Variants in TTC3 observed in about 807,000 individuals in gnomAD.
TTC3 encodes the protein tetratricopeptide repeat domain 3.
TTC3 carries 180 observed loss-of-function variants against 249.6 expected under a neutral mutation model. The ratio of observed to expected loss-of-function variants is 0.72; its 90% CI spans 0.64 to 0.82. The LOEUF (loss-of-function observed/expected upper bound fraction) is 0.82. TTC3 is among the 40% of genes least tolerant of loss of function. The pLI, the probability that TTC3 is intolerant of heterozygous loss-of-function variation, is 0.00. For missense variants in TTC3, 2,061 were observed against 2,398.4 expected (o/e 0.86, Z 2.94); for synonymous variants, 717 against 805.0 (o/e 0.89, Z 1.85).
At chr21:37,180,843 T>TAA (rs138425939) in intron 35 of TTC3, among the ~76,000 whole-genome samples, 10 of 143,126 alleles carry the variant, frequency 7.0e-5, no homozygotes, top group African/African-American at 1.0e-4. Context: ...TTAGAAAATG[T>TAA]AAAAAAAAAA....
At chr21:37,139,384 C>CTAAA (rs1427808329) in intron 19 of TTC3, among the ~76,000 whole-genome samples, 3 of 152,060 alleles carry the variant, frequency 2.0e-5, no homozygotes, top group Admixed American at 6.6e-5. Flanking sequence ...GGAATGTTTA[C>CTAAA]CTACCTATAC....
chr21:37,167,755 C>T, intron 34 of TTC3, 135 bp downstream of exon 34: 2 of 493,918 alleles, frequency 4.0e-6, no homozygotes, highest in South Asian at 1.5e-4. Context: ...GAGAACATAA[C>T]AAAAAAATGA....
exon 33 of TTC3, chr21:37,166,098 C>T: frequency 6.2e-7 from 1 of 1,614,162 alleles, no homozygotes; most frequent in Non-Finnish European, 8.5e-7. Flanking sequence ...TCCTGTAATT[C>T]CCCCAAACCG....
At chr21:37,119,385 G>A (rs773850475) in intron 11 of TTC3, among the ~76,000 whole-genome samples, 1 of 152,042 alleles carries the variant, frequency 6.6e-6, no homozygotes, top group Non-Finnish European at 1.5e-5. Context: ...ATTTGTTTCC[G>A]TTCCGGCTCT....
intron 18 of TTC3, among the ~76,000 whole-genome samples, chr21:37,138,039 A>T (rs1025187476): frequency 2.2e-4 from 34 of 152,304 alleles, no homozygotes; most frequent in Admixed American, 2.2e-3. Context: ...GTATAATTTT[A>T]AAAAAAGTTT....
chr21:37,199,499 T>C (rs1479090035), intron 44 of TTC3, among the ~76,000 whole-genome samples: 1 of 152,234 alleles, frequency 6.6e-6, no homozygotes, highest in Non-Finnish European at 1.5e-5. Flanking sequence ...TGTGAGCCGC[T>C]GAGGCCAGAG....
intron 18 of TTC3, among the ~76,000 whole-genome samples, chr21:37,136,586 T>C (rs2077961490): frequency 6.6e-6 from 1 of 152,202 alleles, no homozygotes; most frequent in African/African-American, 2.4e-5. Context: ...TGCAGAAGAA[T>C]AGTTTGAAAC....
At chr21:37,076,831 A>C (rs930530845) in intron 1 of TTC3, among the ~76,000 whole-genome samples, 1 of 148,746 alleles carries the variant, frequency 6.7e-6, no homozygotes, top group African/African-American at 2.5e-5. Context: ...GCCTCTGAGT[A>C]GCTGGGATTA....
At chr21:37,140,147 A>T (rs2078303690) in intron 19 of TTC3, among the ~76,000 whole-genome samples, 1 of 152,228 alleles carries the variant, frequency 6.6e-6, no homozygotes. Context: ...AAAGACTGTG[A>T]CAACGTCATT....
intron 6 of TTC3, 84 bp from the exon 7 acceptor site, chr21:37,091,209 C>A: frequency 7.0e-7 from 1 of 1,435,686 alleles, no homozygotes; most frequent in Non-Finnish European, 9.6e-7. Flanking sequence ...ATCTGAAATA[C>A]TTGCATAAGA....
chr21:37,186,587 C>T (rs73204066), intron 37 of TTC3, among the ~76,000 whole-genome samples: 19,048 of 152,166 alleles, frequency 0.13, 1,344 homozygotes, highest in Admixed American at 0.16. Flanking sequence ...ACTACAGGCA[C>T]GCACCACCAT....
In TTC3 at chr21:37,098,084, T is replaced by C. The variant is rs565222184; in HGVS notation, c.845+1441T>C. The C allele has an allele frequency of 1.6e-4, 91 of 585,876 alleles. 1 individual carries two copies. In the African/African-American group the frequency reaches 1.6e-3, roughly 11 times the overall value. The allele number at this position is 585,876 out of a possible 1,614,324, so 36.3% of individuals were successfully genotyped here. A position where few individuals can be genotyped will look rare whatever the true frequency, so the allele number is the denominator to read the frequency against. On this transcript the variant is annotated intron_variant, in intron 10 of 45. Transcript: ENST00000355666. ...AGGCTATCTAGACTAGAGGAATGGA[T>C]GGGCTTGACACAGTCTTCCATCAAT... is the stretch of plus-strand genomic sequence containing the variant.
At chr21:37,095,137 ATGTGTGTGTGTG>A (rs57682889) in intron 8 of TTC3, among the ~76,000 whole-genome samples, 1 of 147,490 alleles carries the variant, frequency 6.8e-6, no homozygotes, top group East Asian at 2.0e-4. Flanking sequence ...CTCTAAAAAT[ATGTGTGTGTGTG>A]TGTGTGTGTG....
chr21:37,128,891 A>G, intron 15 of TTC3, 112 bp from the exon 16 acceptor site: 1 of 714,482 alleles, frequency 1.4e-6, no homozygotes, highest in Non-Finnish European at 2.1e-6. Flanking sequence ...CCCACGTACC[A>G]CATTTCTGCT....
At chr21:37,144,501 C>G (rs1446449982) in intron 20 of TTC3, 24 bp from the exon 21 acceptor site, 1 of 1,600,146 alleles carries the variant, frequency 6.2e-7, no homozygotes. Flanking sequence ...ATCTTTAATG[C>G]CTTTTTCATA....
exon 23 of TTC3, chr21:37,148,628 T>C: frequency 1.3e-6 from 2 of 1,597,116 alleles, no homozygotes; most frequent in African/African-American, 1.4e-5. Flanking sequence ...ACTACAACCT[T>C]TAATGATAAA....
chr21:37,123,127 A>C, intron 13 of TTC3, 99 bp downstream of exon 13: 13 of 1,254,882 alleles, frequency 1.0e-5, no homozygotes, highest in Non-Finnish European at 1.4e-5. Context: ...GCTAATAGCA[A>C]CCACAGTAAA....
Position 37,148,535 on chromosome 21 carries a change from T to C in TTC3, c.2017-11T>C. On this transcript the variant is annotated splice_polypyrimidine_tract_variant and intron_variant, in intron 22 of 45. Transcript: ENST00000355666. Reference sequence around the variant, plus strand: ...TTAAAACGTTAATTAAAAAATTTTTTGTAACCCTAGGGTTTTATACGCATC... The same window carrying C: ...TTAAAACGTTAATTAAAAAATTTTTCGTAACCCTAGGGTTTTATACGCATC... 1 of 1,532,916 alleles carries C rather than the reference T, an allele frequency of 6.5e-7. No homozygotes were observed. Among genetic ancestry groups the C allele is most frequent in the Non-Finnish European group, 8.7e-7 (1 of 1,144,686 alleles). The allele number at this position is 1,532,916 out of a possible 1,614,324, so 95.0% of individuals were successfully genotyped here.
At position 37,157,410 on chromosome 21, in the gene TTC3, T is replaced by G. The variant is rs114278470; in HGVS notation, c.2992+504T>G. Among the ~76,000 whole-genome samples the G allele has an allele frequency of 7.5e-3, 1,137 of 152,240 alleles. 15 individuals are homozygous for G. Among genetic ancestry groups the G allele is most frequent in the African/African-American group, 0.026 (1,089 of 41,542 alleles). On this transcript the variant is annotated intron_variant, in intron 28 of 45. Coordinates refer to ENST00000355666, the Ensembl canonical transcript of TTC3. Reference sequence around the variant, plus strand: ...AAAACCCTGTGGGCCCAGTGATGGGTGTTGAGAAGGAATTCAGAAATGCTT... The same window carrying G: ...AAAACCCTGTGGGCCCAGTGATGGGGGTTGAGAAGGAATTCAGAAATGCTT...
Sources: gnomAD v4.1 joint callset for allele counts (sites outside exome capture counted in the v4.1 genomes callset) on GRCh38, gnomAD v4.1.1 for gene constraint, MANE v1.5 for transcripts, NCBI Gene and HGNC (gene_info 2026-07-23, HGNC 2026-07-21) for gene names.